Variants in PCDHGB6 observed in about 807,000 individuals in gnomAD.
PCDHGB6 encodes the protein protocadherin gamma subfamily B, 6, also known as protocadherin gamma-B6.
PCDHGB6 carries 51 observed loss-of-function variants against 59.1 expected under a neutral mutation model. That is an observed-to-expected ratio of 0.86 (90% confidence interval 0.69 to 1.09). The LOEUF is 1.09. Ranked by LOEUF, PCDHGB6 falls within the 50% of genes least tolerant of loss-of-function variation. The pLI is 0.00. For missense variants in PCDHGB6, 1,148 were observed against 1,205.1 expected (o/e 0.95, Z 0.70); for synonymous variants, 466 against 495.1 (o/e 0.94, Z 0.78).
chr5:141,502,468 C>A (rs1007796183), intron 2 of PCDHGB6, among the ~76,000 whole-genome samples: 6 of 151,190 alleles, frequency 4.0e-5, no homozygotes, highest in Non-Finnish European at 8.8e-5. Flanking sequence ...GGAATACTTC[C>A]CGCAGCATCA....
intron 1 of PCDHGB6, chr5:141,415,739 G>GGT (rs2095908308): frequency 2.3e-6 from 1 of 434,538 alleles, no homozygotes; most frequent in East Asian, 5.9e-5. Context: ...TGTTTATTAA[G>GGT]GTTTTTTTTT....
chr5:141,494,386 T>G (rs2099753905), intron 1 of PCDHGB6, among the ~76,000 whole-genome samples: 1 of 152,198 alleles, frequency 6.6e-6, no homozygotes, highest in African/African-American at 2.4e-5. Context: ...GCTGAGGAGT[T>G]GAATAAATTC....
Position 141,415,580 on chromosome 5 carries a change from A to C in PCDHGB6, c.2418+4960A>C, listed in dbSNP as rs773634634. The C allele has an allele frequency of 4.3e-6, 7 of 1,613,976 alleles. No individual in the cohort carries two copies. The Admixed American group carries it at 1.2e-4, about 27-fold the overall frequency. Reference sequence around the variant, plus strand: ...CCTTTGTCTTTGTTAGATGATTCGAAGTTTCCTATAGAGGATACCCCATTG... The same window carrying C: ...CCTTTGTCTTTGTTAGATGATTCGACGTTTCCTATAGAGGATACCCCATTG... On this transcript the variant is annotated intron_variant, in intron 1 of 3. Transcript: ENST00000520790.
intron 1 of PCDHGB6, among the ~76,000 whole-genome samples, chr5:141,447,123 T>G (rs1004463863): frequency 1.3e-5 from 2 of 152,160 alleles, no homozygotes; most frequent in Non-Finnish European, 2.9e-5. Flanking sequence ...CCATGGATTT[T>G]TTTGTTTGTT....
chr5:141,421,784 G>C, intron 1 of PCDHGB6: 1 of 1,613,874 alleles, frequency 6.2e-7, no homozygotes, highest in Non-Finnish European at 8.5e-7. Context: ...CTGCGGGGCA[G>C]AACGGATGGG....
In PCDHGB6 at chr5:141,486,487, C is replaced by T; in HGVS notation, c.2419-8320C>T. ...CTGGGAACCCTCCTCTCAGTACCCA[C>T]AGAACTATTTTCCTCAATATTTCAG... On this transcript the variant is annotated intron_variant, in intron 1 of 3. Coordinates refer to ENST00000520790, the MANE Select transcript of PCDHGB6 (RefSeq NM_018926.3). This position sits in a 1 kb window ranked among gnomAD's most constrained non-coding sequence, Gnocchi z 5.0. 1 of 1,614,086 alleles carries T rather than the reference C, an allele frequency of 6.2e-7. No individual in the cohort carries two copies. Among genetic ancestry groups the T allele is most frequent in the Non-Finnish European group, 8.5e-7 (1 of 1,179,918 alleles).
intron 1 of PCDHGB6, chr5:141,426,833 G>T: frequency 2.2e-6 from 1 of 456,680 alleles, no homozygotes; most frequent in Non-Finnish European, 4.4e-6. Flanking sequence ...TGATGGACAA[G>T]ACTAAAGGCA....
In PCDHGB6 at chr5:141,505,598, C is replaced by T. The variant is rs532473064; in HGVS notation, c.2566+117C>T. The T allele has an allele frequency of 1.4e-3, 2,157 of 1,556,732 alleles. 3 individuals are homozygous for T. Among genetic ancestry groups the T allele is most frequent in the Non-Finnish European group, 1.8e-3 (2,025 of 1,148,246 alleles). ...ACCTGTGTAGTTTCTCCAGATCTTT[C>T]GGCAGGTCTGAAAGGACCCACAATT... On this transcript the variant is annotated intron_variant, in intron 3 of 3. Coordinates refer to ENST00000520790, the MANE Select transcript of PCDHGB6 (RefSeq NM_018926.3).
chr5:141,409,818 C>G lies in PCDHGB6; in HGVS notation c.1616C>G (p.Ser539Trp), dbSNP rs1027344375. 6 of 1,610,800 alleles carry G rather than the reference C, an allele frequency of 3.7e-6. No homozygotes were observed. The highest frequency in any genetic ancestry group is 1.3e-5 in the African/African-American group (1 of 74,866). Residue 539 changes from serine (S) to tryptophan (W), a missense_variant, in exon 1 of 4, where the codon TCG becomes TGG. Around this residue, in one of 5 missense-constraint regions of PCDHGB6, gnomAD observed 549 missense variants for 527.5 expected, o/e 1.04. Coordinates refer to ENST00000520790, the MANE Select transcript of PCDHGB6 (RefSeq NM_018926.3). ...ACGCTGCAGGCCCGCGACCACGGCTCGCCCACGCTCAGCGCCAACGTGAGC... is the reference window on the plus strand; with the variant it reads ...ACGCTGCAGGCCCGCGACCACGGCTGGCCCACGCTCAGCGCCAACGTGAGC... ...ALTLQARDHG[S>W]PTLSANVSLR...
intron 1 of PCDHGB6, chr5:141,418,345 T>G: frequency 6.2e-7 from 1 of 1,614,000 alleles, no homozygotes; most frequent in Non-Finnish European, 8.5e-7. Context: ...ATCCTGATAT[T>G]AGTATGAATT....
chr5:141,436,035 A>G (rs957896521), intron 1 of PCDHGB6, among the ~76,000 whole-genome samples: 3 of 152,178 alleles, frequency 2.0e-5, no homozygotes, highest in Non-Finnish European at 4.4e-5. Flanking sequence ...CTAAATTTGT[A>G]TTTACATTAG....
chr5:141,471,846 T>C (rs2099265433), intron 1 of PCDHGB6, among the ~76,000 whole-genome samples: 1 of 152,180 alleles, frequency 6.6e-6, no homozygotes. Context: ...AATAAAATAT[T>C]CAGAAAAAGC....
chr5:141,423,756 GGGGGTGGGGC>G, intron 1 of PCDHGB6: 1 of 448,620 alleles, frequency 2.2e-6, no homozygotes, highest in Non-Finnish European at 3.0e-6. Context: ...TGTTTGGGGG[GGGGGTGGGGC>G]GGCATATATT....
chr5:141,483,648 TTGTGTGTGTGTGTG>T (rs111458813), intron 1 of PCDHGB6, among the ~76,000 whole-genome samples: 1 of 149,592 alleles, frequency 6.7e-6, no homozygotes, highest in Non-Finnish European at 1.5e-5. Flanking sequence ...GGGTGTGTGT[TTGTGTGTGTGTGTG>T]TGTGTGTAAA....
intron 1 of PCDHGB6, among the ~76,000 whole-genome samples, chr5:141,462,993 T>A (rs1350208420): frequency 1.3e-5 from 2 of 152,164 alleles, no homozygotes; most frequent in African/African-American, 4.8e-5. Flanking sequence ...TTGGGCTAAT[T>A]TAGACCTACC....
chr5:141,427,887 C>G, intron 1 of PCDHGB6: 1 of 1,565,908 alleles, frequency 6.4e-7, no homozygotes, highest in South Asian at 1.1e-5. Flanking sequence ...GGCCCACGAC[C>G]AGGGCTCGCC....
chr5:141,423,816 T>C lies in PCDHGB6; in HGVS notation c.2418+13196T>C, dbSNP rs1205974775. ...TTAGAGCAATACATGTGAGTTTTACTTTGCCTTTCATGAGATTACGATAAT... is the reference window on the plus strand; with the variant it reads ...TTAGAGCAATACATGTGAGTTTTACCTTGCCTTTCATGAGATTACGATAAT... On this transcript the variant is annotated intron_variant, in intron 1 of 3. Transcript: ENST00000520790. 3 of 1,273,904 alleles carry C rather than the reference T, an allele frequency of 2.4e-6. No individual in the cohort carries two copies. The African/African-American group carries it at 4.7e-5, about 20-fold the overall frequency. 78.9% of individuals were successfully genotyped at this position (1,273,904 alleles called of 1,614,324 possible).
intron 1 of PCDHGB6, chr5:141,478,687 A>G: frequency 6.4e-7 from 1 of 1,551,218 alleles, no homozygotes; most frequent in Middle Eastern, 1.7e-4. Context: ...CCCTTCCTAG[A>G]TCAAAGTTAG....
chr5:141,447,689 AG>A lies in PCDHGB6; in HGVS notation c.2418+37072del, dbSNP rs145694922. ...TTAGAACTGTTCCATATCTTGATAGAGGGATGGGTTATAAGGATGTACACAT... is the reference window on the plus strand; with the variant it reads ...TTAGAACTGTTCCATATCTTGATAGAGGATGGGTTATAAGGATGTACACAT... On this transcript the variant is annotated intron_variant, in intron 1 of 3. Coordinates refer to ENST00000520790, the MANE Select transcript of PCDHGB6 (RefSeq NM_018926.3). Among the ~76,000 whole-genome samples the A allele has an allele frequency of 4.6e-3, 694 of 152,302 alleles. 4 individuals are homozygous for A. The highest frequency in any genetic ancestry group is 0.015 in the African/African-American group (633 of 41,566).
Sources: gnomAD v4.1 joint callset for allele counts (sites outside exome capture counted in the v4.1 genomes callset) on GRCh38, gnomAD v4.1.1 for gene constraint, gnomAD v4.1.1 regional missense constraint, Gnocchi (gnomAD v3.1) non-coding constraint, MANE v1.5 for transcripts, NCBI Gene and HGNC (gene_info 2026-07-23, HGNC 2026-07-21) for gene names.